The following TAFA1 variants were observed in gnomAD, a reference collection of about 807,000 sequenced individuals.
The protein encoded by TAFA1 is TAFA chemokine like family member 1.
A neutral mutation model predicts 18.5 loss-of-function variants in TAFA1; 4 were observed. The ratio of observed to expected loss-of-function variants is 0.22; its 90% CI spans 0.11 to 0.49. The LOEUF (loss-of-function observed/expected upper bound fraction) is 0.49, where lower values mean the gene tolerates loss of function less well. Among genes scored for constraint, TAFA1 ranks in the 20% least tolerant of loss-of-function variants. The pLI, the probability that TAFA1 is intolerant of heterozygous loss-of-function variation, is 0.98. For synonymous variants in TAFA1, 56 were observed against 55.2 expected (o/e 1.01, Z -0.06); for missense variants, 147 against 169.0 (o/e 0.87, Z 0.72).
intron 2 of TAFA1, among the ~76,000 whole-genome samples, chr3:68,323,999 C>T (rs1047988093): frequency 2.0e-5 from 3 of 152,124 alleles, no homozygotes; most frequent in African/African-American, 7.2e-5. Flanking sequence ...CCGTAAATAC[C>T]AACTTTCCCA....
intron 2 of TAFA1, among the ~76,000 whole-genome samples, chr3:68,051,346 A>G (rs146859594): frequency 2.1e-3 from 313 of 152,310 alleles, no homozygotes; most frequent in Non-Finnish European, 2.7e-3. Flanking sequence ...TAAGAATCAG[A>G]TCTGGCAGAG....
intron 2 of TAFA1, among the ~76,000 whole-genome samples, chr3:68,194,945 A>G (rs1438933548): frequency 6.6e-6 from 1 of 151,568 alleles, no homozygotes; most frequent in East Asian, 2.0e-4. Context: ...GTCTTCTCCC[A>G]CATTTCTCTG....
intron 2 of TAFA1, among the ~76,000 whole-genome samples, chr3:68,386,152 T>C (rs1217661106): frequency 2.6e-5 from 4 of 152,118 alleles, no homozygotes; most frequent in Non-Finnish European, 4.4e-5. Context: ...CTCCACACCA[T>C]GAATAATATT....
intron 2 of TAFA1, among the ~76,000 whole-genome samples, chr3:68,227,609 G>A (rs2066818210): frequency 6.6e-6 from 1 of 152,204 alleles, no homozygotes; most frequent in Non-Finnish European, 1.5e-5. Context: ...ACCACAAAAT[G>A]CAAAGGGAGA....
chr3:68,544,419 A>G, intron 4 of TAFA1, 67 bp from the exon 5 acceptor site: 2 of 1,513,966 alleles, frequency 1.3e-6, no homozygotes, highest in Non-Finnish European at 1.8e-6. Context: ...TTTCTACATA[A>G]TCACATTTCT....
chr3:68,412,150 A>C (rs1262065161), intron 2 of TAFA1, among the ~76,000 whole-genome samples: 1 of 152,162 alleles, frequency 6.6e-6, no homozygotes, highest in Non-Finnish European at 1.5e-5. Context: ...CATTGACTTT[A>C]TATACAAGTC....
intron 3 of TAFA1, among the ~76,000 whole-genome samples, chr3:68,418,485 G>A (rs1055706395): frequency 2.1e-5 from 3 of 142,156 alleles, no homozygotes; most frequent in Non-Finnish European, 4.6e-5. Flanking sequence ...GCAAGGACCG[G>A]CCATTTACAC....
intron 3 of TAFA1, among the ~76,000 whole-genome samples, chr3:68,492,770 C>T (rs1177914632): frequency 7.2e-5 from 11 of 151,744 alleles, no homozygotes; most frequent in African/African-American, 1.2e-4. Context: ...AAAAAACTAC[C>T]GTGGGAAGAC....
At chr3:68,173,977 A>G (rs1335488202) in intron 2 of TAFA1, among the ~76,000 whole-genome samples, 1 of 152,206 alleles carries the variant, frequency 6.6e-6, no homozygotes, top group Non-Finnish European at 1.5e-5. Context: ...ACATATTTTA[A>G]AAGTGGTTAT....
At chr3:68,027,581 T>A (rs993551627) in intron 2 of TAFA1, among the ~76,000 whole-genome samples, 1 of 152,212 alleles carries the variant, frequency 6.6e-6, no homozygotes, top group Non-Finnish European at 1.5e-5. Flanking sequence ...GGATTGAATC[T>A]GCCATCAGTG....
intron 2 of TAFA1, among the ~76,000 whole-genome samples, chr3:68,322,983 A>G (rs72626975): frequency 0.024 from 3,666 of 152,294 alleles, 70 homozygotes; most frequent in East Asian, 0.098. Context: ...GGACACTCCC[A>G]GTACAGCACA....
chr3:68,180,666 TG>T (rs796957868), intron 2 of TAFA1, among the ~76,000 whole-genome samples: 29 of 152,334 alleles, frequency 1.9e-4, no homozygotes, highest in African/African-American at 6.5e-4. Flanking sequence ...TTATTTTTCT[TG>T]GCAACTGACA....
intron 2 of TAFA1, among the ~76,000 whole-genome samples, chr3:68,100,304 G>A (rs1427815097): frequency 6.6e-6 from 1 of 152,028 alleles, no homozygotes; most frequent in Non-Finnish European, 1.5e-5. Flanking sequence ...GGCCAACATG[G>A]TGAAACCCTG....
intron 2 of TAFA1, chr3:68,192,499 C>A: frequency 5.1e-6 from 1 of 194,472 alleles, no homozygotes. Context: ...TTCATCATCC[C>A]ATTGAATGGA....
intron 2 of TAFA1, among the ~76,000 whole-genome samples, chr3:68,116,905 G>A (rs951990228): frequency 6.6e-6 from 1 of 152,142 alleles, no homozygotes; most frequent in Non-Finnish European, 1.5e-5. Context: ...ATGCCACCAT[G>A]CAAGTTGAGT....
At chr3:68,242,142 C>CTCATTCA (rs2067008209) in intron 2 of TAFA1, among the ~76,000 whole-genome samples, 2 of 152,104 alleles carry the variant, frequency 1.3e-5, no homozygotes, top group African/African-American at 4.8e-5. Context: ...CTGGTAAGAG[C>CTCATTCA]TTTTTGTTGA....
At chr3:68,085,931 C>T (rs1367437611) in intron 2 of TAFA1, among the ~76,000 whole-genome samples, 1 of 152,138 alleles carries the variant, frequency 6.6e-6, no homozygotes, top group Non-Finnish European at 1.5e-5. Context: ...AGGTTCTAGC[C>T]ACAGGTCTGG....
At chr3:68,031,919 G>GT (rs1242368561) in intron 2 of TAFA1, among the ~76,000 whole-genome samples, 1 of 152,122 alleles carries the variant, frequency 6.6e-6, no homozygotes, top group Non-Finnish European at 1.5e-5. Flanking sequence ...TTTTTTAATA[G>GT]TTAATCTGTA....
intron 2 of TAFA1, among the ~76,000 whole-genome samples, chr3:68,373,005 CAAGAA>C: frequency 6.6e-6 from 1 of 152,184 alleles, no homozygotes; most frequent in South Asian, 2.1e-4. Context: ...CTCCAAAGCC[CAAGAA>C]ATTTGATCAT....
Sources: allele counts gnomAD v4.1 joint callset (sites outside exome capture counted in the v4.1 genomes callset), GRCh38; gene constraint gnomAD v4.1.1; transcripts MANE v1.5; gene names NCBI Gene and HGNC (gene_info 2026-07-23, HGNC 2026-07-21).